The following FGF12 variants were observed in gnomAD, a reference collection of about 807,000 sequenced individuals.
The protein encoded by FGF12 is fibroblast growth factor 12, also known as fibroblast growth factor 12B.
Under a neutral mutation model 23.6 loss-of-function variants are expected in FGF12, and 14 were observed. The observed-to-expected ratio is 0.59, with a 90% CI of 0.39 to 0.93. The LOEUF is 0.93. Among genes scored for constraint, FGF12 ranks in the 40% least tolerant of loss-of-function variants. FGF12 has a pLI of 0.00. For synonymous variants in FGF12, 62 were observed against 77.3 expected (o/e 0.80, Z 1.04); for missense variants, 175 against 217.8 (o/e 0.80, Z 1.24).
At chr3:192,282,889 T>C (rs76862169) in intron 4 of FGF12, 10,552 of 152,124 alleles carry the variant, frequency 0.069, 498 homozygotes, top group Middle Eastern at 0.1. Flanking sequence ...CGAAGAGACA[T>C]GTAGAGCTTA....
chr3:192,690,740 C>T (rs1199651791), intron 2 of FGF12, among the ~76,000 whole-genome samples: 1 of 151,834 alleles, frequency 6.6e-6, no homozygotes, highest in African/African-American at 2.4e-5. Context: ...CTACATTTGT[C>T]AATCAAAAGA....
chr3:192,532,937 A>G (rs1725128643), intron 2 of FGF12, among the ~76,000 whole-genome samples: 1 of 152,118 alleles, frequency 6.6e-6, no homozygotes, highest in Non-Finnish European at 1.5e-5. Flanking sequence ...CATGATCTAG[A>G]ATTGTTTTCT....
At chr3:192,311,578 C>T (rs1029319405) in intron 4 of FGF12, among the ~76,000 whole-genome samples, 2 of 152,138 alleles carry the variant, frequency 1.3e-5, no homozygotes, top group Non-Finnish European at 2.9e-5. Flanking sequence ...TACTTTTAGG[C>T]TGTTATGAAT....
chr3:192,473,454 G>A (rs991149830), intron 2 of FGF12, among the ~76,000 whole-genome samples: 8 of 152,122 alleles, frequency 5.3e-5, no homozygotes, highest in African/African-American at 1.9e-4. Flanking sequence ...TCCAGGAAAT[G>A]AAATACAGAA....
chr3:192,373,067 C>T (rs1475190693), intron 2 of FGF12, among the ~76,000 whole-genome samples: 2 of 152,230 alleles, frequency 1.3e-5, no homozygotes, highest in South Asian at 2.1e-4. Context: ...TCTGCCGCCA[C>T]GTTTGTACAG....
chr3:192,439,772 C>A (rs1045759116), intron 2 of FGF12, among the ~76,000 whole-genome samples: 2 of 152,046 alleles, frequency 1.3e-5, no homozygotes, highest in Non-Finnish European at 2.9e-5. Context: ...GTCAGGAGTT[C>A]AAGACCAGCC....
At chr3:192,607,637 G>A (rs1235416282) in intron 2 of FGF12, among the ~76,000 whole-genome samples, 3 of 151,888 alleles carry the variant, frequency 2.0e-5, no homozygotes, top group Non-Finnish European at 4.4e-5. Flanking sequence ...ATTTCTAATT[G>A]ACTGTTTTAA....
intron 2 of FGF12, among the ~76,000 whole-genome samples, chr3:192,711,634 CTA>C (rs1201014605): frequency 6.6e-6 from 1 of 152,220 alleles, no homozygotes; most frequent in Non-Finnish European, 1.5e-5. Context: ...TGCTGTTGAT[CTA>C]TGACCTTACC....
At chr3:192,319,712 T>G (rs1716429786) in intron 4 of FGF12, among the ~76,000 whole-genome samples, 1 of 152,138 alleles carries the variant, frequency 6.6e-6, no homozygotes, top group African/African-American at 2.4e-5. Flanking sequence ...GAATCTAACA[T>G]GTAGAGTTTT....
intron 2 of FGF12, among the ~76,000 whole-genome samples, chr3:192,641,963 C>T (rs1056483022): frequency 1.3e-5 from 2 of 152,140 alleles, no homozygotes; most frequent in Admixed American, 6.5e-5. Context: ...CTCTAAATGA[C>T]GTCTGTGAAG....
At chr3:192,663,435 G>GT (rs1716743267) in intron 2 of FGF12, among the ~76,000 whole-genome samples, 1 of 152,138 alleles carries the variant, frequency 6.6e-6, no homozygotes, top group African/African-American at 2.4e-5. Context: ...AGGCTGGTGG[G>GT]TGACTTGTTC....
At chr3:192,429,673 A>C (rs1429226162) in intron 2 of FGF12, among the ~76,000 whole-genome samples, 1 of 152,222 alleles carries the variant, frequency 6.6e-6, no homozygotes, top group Admixed American at 6.5e-5. Context: ...TTTAAACCAC[A>C]ATGTATGTTA....
At chr3:192,417,396 G>GAGT (rs1237812700) in intron 2 of FGF12, among the ~76,000 whole-genome samples, 3 of 151,222 alleles carry the variant, frequency 2.0e-5, no homozygotes, top group Non-Finnish European at 2.9e-5. Context: ...CTGTGTATAA[G>GAGT]AGTAGACACA....
chr3:192,721,771 T>G (rs962613033), intron 2 of FGF12, among the ~76,000 whole-genome samples: 4 of 152,156 alleles, frequency 2.6e-5, no homozygotes, highest in Non-Finnish European at 4.4e-5. Context: ...ATAGCTTTTA[T>G]AGTAGATACA....
intron 2 of FGF12, among the ~76,000 whole-genome samples, chr3:192,698,313 T>C (rs1311488338): frequency 6.6e-6 from 1 of 152,234 alleles, no homozygotes; most frequent in Admixed American, 6.5e-5. Flanking sequence ...AAAAATGTAT[T>C]GTTCTGGACT....
At chr3:192,531,885 C>T (rs1276201032) in intron 2 of FGF12, among the ~76,000 whole-genome samples, 2 of 152,112 alleles carry the variant, frequency 1.3e-5, no homozygotes, top group Admixed American at 1.3e-4. Context: ...TGTTTTTAGT[C>T]CATGGTCTTC....
intron 2 of FGF12, among the ~76,000 whole-genome samples, chr3:192,576,832 C>A (rs931362142): frequency 6.6e-6 from 1 of 151,966 alleles, no homozygotes. Context: ...ATAGACTGGA[C>A]AAAGAAAATG....
intron 2 of FGF12, among the ~76,000 whole-genome samples, chr3:192,604,405 TG>T (rs1714251189): frequency 6.6e-6 from 1 of 152,224 alleles, no homozygotes; most frequent in Admixed American, 6.5e-5. Context: ...TAAATGTCCA[TG>T]AAATCTTCAT....
intron 2 of FGF12, among the ~76,000 whole-genome samples, chr3:192,385,430 T>C (rs1719997221): frequency 6.6e-6 from 1 of 152,144 alleles, no homozygotes; most frequent in Non-Finnish European, 1.5e-5. Context: ...AATTTATAAA[T>C]CAAGGTAACT....
Sources: allele counts gnomAD v4.1 joint callset (sites outside exome capture counted in the v4.1 genomes callset), GRCh38; gene constraint gnomAD v4.1.1; transcripts MANE v1.5; gene names NCBI Gene and HGNC (gene_info 2026-07-23, HGNC 2026-07-21).